Variants in CPNE7 observed in about 807,000 individuals in gnomAD.
CPNE7 encodes the protein copine 7.
Under a neutral mutation model 66.5 loss-of-function variants are expected in CPNE7, and 78 were observed. The observed-to-expected ratio is 1.17, with a 90% CI of 0.98 to 1.42. The LOEUF is 1.42. Among genes scored for constraint, CPNE7 ranks in the 40% most tolerant of loss-of-function variants. CPNE7 has a pLI of 0.00. For missense variants in CPNE7, 1,012 were observed against 776.6 expected, an observed-to-expected ratio of 1.30 and a Z score of -3.60; for synonymous variants, 468 against 336.7, an observed-to-expected ratio of 1.39 and a Z score of -4.27.
chr16:89,596,531 G>A lies in CPNE7; in HGVS notation c.1587G>A (p.Lys529=). The change falls in exon 15 of 15, where the codon AAG becomes AAA. Residue 529 remains lysine, a synonymous_variant. Coordinates refer to ENST00000319518, the MANE Select transcript of CPNE7 (RefSeq NM_153636.3). Reference sequence around the variant, plus strand: ...AGTGCGTGCTGGCCGAGGTCCCGAAGCAGGTGGTGGAGTACTACAGCCACA... The same window carrying A: ...AGTGCGTGCTGGCCGAGGTCCCGAAACAGGTGGTGGAGTACTACAGCCACA... The part of the protein sequence containing the change: ...LAKCVLAEVP[K]QVVEYYSHRG... The A allele has an allele frequency of 1.2e-6, 2 of 1,610,140 alleles. No individual in the cohort carries two copies. Among genetic ancestry groups the A allele is most frequent in the Non-Finnish European group, 1.7e-6 (2 of 1,179,838 alleles).
intron 5 of CPNE7, 96 bp from the exon 6 acceptor site, chr16:89,585,368 G>A: frequency 2.3e-6 from 2 of 856,936 alleles, no homozygotes; most frequent in Non-Finnish European, 1.9e-6. Context: ...GGCCAGCTGT[G>A]CCCGCCTCAC....
Position 89,576,071 on chromosome 16 carries a change from G to T in CPNE7, c.174G>T (p.Gln58His). The T allele has an allele frequency of 7.9e-7, 1 of 1,269,090 alleles. No individual in the cohort carries two copies. The highest frequency in any genetic ancestry group is 9.9e-7 in the Non-Finnish European group (1 of 1,007,444). The allele number at this position is 1,269,090 out of a possible 1,614,324, so 78.6% of individuals were successfully genotyped here. A position where few individuals can be genotyped will look rare whatever the true frequency, so the allele number is the denominator to read the frequency against. ...LLQQAQGQWV[Q>H]VGRTEVVRSS... Reference sequence around the variant, plus strand: ...AGCAGGCGCAGGGCCAGTGGGTGCAGGTAGGGCCGGGGCGTGGGAGGCCGA... The same window carrying T: ...AGCAGGCGCAGGGCCAGTGGGTGCATGTAGGGCCGGGGCGTGGGAGGCCGA... Residue 58 changes from glutamine (Q) to histidine (H), a missense_variant and splice_region_variant, in exon 1 of 15, where the codon CAG becomes CAT. Coordinates refer to ENST00000319518, the MANE Select transcript of CPNE7 (RefSeq NM_153636.3).
rs1419661083 is a variant in CPNE7, at chr16:89,587,221, CG to C, written c.927+120del. 4 of 387,512 alleles carry C rather than the reference CG, an allele frequency of 1.0e-5. No individual in the cohort carries two copies. In the African/African-American group the frequency reaches 2.4e-4, roughly 23 times the overall value. The allele number at this position is 387,512 out of a possible 1,614,324, so 24.0% of individuals were successfully genotyped here. A position where few individuals can be genotyped will look rare whatever the true frequency, so the allele number is the denominator to read the frequency against. On this transcript the variant is annotated intron_variant, in intron 9 of 14. Coordinates refer to ENST00000319518, the MANE Select transcript of CPNE7 (RefSeq NM_153636.3). Reference sequence around the variant, plus strand: ...CTCAGTCTGTGGCCCCGCCCATCCCCGCCCCCTCAGTCCGTGGCCCCGCCCC... The same window carrying C: ...CTCAGTCTGTGGCCCCGCCCATCCCCCCCCCTCAGTCCGTGGCCCCGCCCC...
At chr16:89,587,017 T>G (rs1255315590) in intron 8 of CPNE7, 26 bp from the exon 9 acceptor site, 1 of 1,565,128 alleles carries the variant, frequency 6.4e-7, no homozygotes, top group Non-Finnish European at 8.7e-7. Context: ...CTGGCGGGGG[T>G]GGACGCTGAC....
intron 5 of CPNE7, 80 bp from the exon 6 acceptor site, chr16:89,585,384 C>A: frequency 1.0e-6 from 1 of 987,574 alleles, no homozygotes; most frequent in Non-Finnish European, 1.6e-6. Flanking sequence ...CTCACAGCTG[C>A]TCTTCCACCC....
intron 2 of CPNE7, chr16:89,578,845 C>T (rs377581262): frequency 2.7e-5 from 44 of 1,604,928 alleles, no homozygotes; most frequent in Non-Finnish European, 3.4e-5. Context: ...CTCTGGGTTA[C>T]GGCCTCCACA....
At chr16:89,588,206 GCGTGTCAC>G (rs2059112283) in intron 9 of CPNE7, among the ~76,000 whole-genome samples, 10 of 21,158 alleles carry the variant, frequency 4.7e-4, no homozygotes, top group Admixed American at 1.7e-3. Context: ...CGTGTCACCC[GCGTGTCAC>G]CCACAGATAC....
chr16:89,577,696 G>A lies in CPNE7; in HGVS notation c.332G>A (p.Gly111Glu), dbSNP rs1226051624. Reference protein sequence around the residue: ...GFSCQEDDFLGGMECTLGQIV... With the variant: ...GFSCQEDDFLEGMECTLGQIV... The stretch of plus-strand genomic sequence containing the variant: ...AGCTGTCAGGAGGACGATTTCCTGG[G>A]GGGCATGGAGTGCACCCTGGGGCAG... The change falls in exon 2 of 15, where the codon GGG (glycine) becomes GAG (glutamate). Residue 111 changes from glycine to glutamate, a missense_variant. Physicochemically the swap from Gly to Glu is moderately conservative, Grantham distance 98. Transcript: ENST00000319518. 1 of 1,599,608 alleles carries A rather than the reference G, an allele frequency of 6.3e-7. No individual in the cohort carries two copies. Among genetic ancestry groups the A allele is most frequent in the South Asian group, 1.1e-5 (1 of 88,302 alleles).
intron 2 of CPNE7, among the ~76,000 whole-genome samples, chr16:89,580,902 C>G (rs2058945655): frequency 6.8e-6 from 1 of 146,710 alleles, no homozygotes; most frequent in African/African-American, 2.6e-5. Flanking sequence ...ACGGAACATC[C>G]CATCACCCGT....
chr16:89,587,135 TCAGTCCGTGGCCCCGCCCCG>T (rs1567959504), intron 9 of CPNE7, 33 bp downstream of exon 9: 49 of 560,620 alleles, frequency 8.7e-5, no homozygotes, highest in Admixed American at 8.7e-4. Flanking sequence ...TGCCGCCCCC[TCAGTCCGTGGCCCCGCCCCG>T]CCCCGCCCCC....
intron 2 of CPNE7, among the ~76,000 whole-genome samples, chr16:89,578,011 T>A (rs1227318340): frequency 6.6e-6 from 1 of 152,180 alleles, no homozygotes; most frequent in Non-Finnish European, 1.5e-5. Context: ...AGAGAGAGAT[T>A]TTCACAGGAG....
chr16:89,593,934 C>G (rs1228653283), intron 13 of CPNE7, among the ~76,000 whole-genome samples: 1 of 152,158 alleles, frequency 6.6e-6, no homozygotes. Flanking sequence ...TCAGTATCAG[C>G]GTCTAATAAA....
At chr16:89,580,590 C>T (rs1392805336) in intron 2 of CPNE7, among the ~76,000 whole-genome samples, 4 of 132,322 alleles carry the variant, frequency 3.0e-5, no homozygotes, top group African/African-American at 5.7e-5. Context: ...ACCCATCACA[C>T]GGAACATCCC....
intron 9 of CPNE7, among the ~76,000 whole-genome samples, chr16:89,587,304 G>GC (rs1331869109): frequency 0.3 from 14 of 46 alleles, 4 homozygotes; most frequent in African/African-American, 0.39. Flanking sequence ...CTGTGGCCCC[G>GC]CCCATCCCCG....
At chr16:89,592,992 T>C (rs1373904215) in intron 13 of CPNE7, among the ~76,000 whole-genome samples, 1 of 149,302 alleles carries the variant, frequency 6.7e-6, no homozygotes, top group Non-Finnish European at 1.5e-5. Flanking sequence ...TTTATATTTT[T>C]GTAGAGATGG....
Position 89,584,221 on chromosome 16 carries a change from G to T in CPNE7, c.507+119G>T. On this transcript the variant is annotated intron_variant, in intron 4 of 14. Coordinates refer to ENST00000319518, the MANE Select transcript of CPNE7 (RefSeq NM_153636.3). The surrounding 1 kb of genome is among the most constrained non-coding windows in gnomAD (Gnocchi z 6.0). ...ATGTCCCGTGTGAGACGTGTGCGGA[G>T]TGTGCCTGGGGCTGGGCGTGCTGCC... 9.9e-7 allele frequency: 1 copy of T among 1,011,900 alleles called. No homozygotes were observed. The highest frequency in any genetic ancestry group is 1.4e-6 in the Non-Finnish European group (1 of 695,994). The allele number at this position is 1,011,900 out of a possible 1,614,324, so 62.7% of individuals were successfully genotyped here. A position where few individuals can be genotyped will look rare whatever the true frequency, so the allele number is the denominator to read the frequency against.
chr16:89,579,824 TCCCACA>T (rs2058921490), intron 2 of CPNE7, among the ~76,000 whole-genome samples: 4 of 44,282 alleles, frequency 9.0e-5, no homozygotes, highest in African/African-American at 1.2e-4. Flanking sequence ...ACACGGAACA[TCCCACA>T]CCCATCACAC....
chr16:89,590,886 G>C, intron 11 of CPNE7, 121 bp from the exon 12 acceptor site: 1 of 1,003,500 alleles, frequency 1.0e-6, no homozygotes, highest in South Asian at 1.5e-5. Flanking sequence ...GCGGGGACGG[G>C]GGGAGCAGCT....
intron 1 of CPNE7, among the ~76,000 whole-genome samples, chr16:89,576,873 C>T (rs1258376230): frequency 6.6e-6 from 1 of 152,154 alleles, no homozygotes; most frequent in Non-Finnish European, 1.5e-5. Context: ...CCGCCCTCAC[C>T]GCCTGTCCCC....
Sources: allele counts gnomAD v4.1 joint callset (sites outside exome capture counted in the v4.1 genomes callset), GRCh38; gene constraint gnomAD v4.1.1; non-coding constraint Gnocchi (gnomAD v3.1); transcripts MANE v1.5; gene names NCBI Gene and HGNC (gene_info 2026-07-23, HGNC 2026-07-21).